The following FHIT variants were observed in gnomAD, a reference collection of about 807,000 sequenced individuals.
FHIT encodes the protein fragile histidine triad diadenosine triphosphatase, also known as bis(5'-adenosyl)-triphosphatase.
FHIT carries 19 observed loss-of-function variants against 17.9 expected under a neutral mutation model. The observed-to-expected ratio is 1.06, with a 90% confidence interval of 0.74 to 1.56. FHIT has a LOEUF of 1.56. Among genes scored for constraint, FHIT ranks in the 40% most tolerant of loss-of-function variants. The pLI, the probability that FHIT is intolerant of heterozygous loss-of-function variation, is 0.00. For synonymous variants in FHIT, 81 were observed against 69.7 expected (o/e 1.16, Z -0.81); for missense variants, 248 against 189.2 (o/e 1.31, Z -1.82).
chr3:59,924,752 C>G (rs890157952), intron 7 of FHIT, among the ~76,000 whole-genome samples: 1 of 152,212 alleles, frequency 6.6e-6, no homozygotes, highest in East Asian at 1.9e-4. Context: ...TTTGTGAAAG[C>G]TGATTTCTGT....
chr3:60,100,716 C>A (rs1026242379), intron 5 of FHIT, among the ~76,000 whole-genome samples: 1 of 152,124 alleles, frequency 6.6e-6, no homozygotes, highest in Non-Finnish European at 1.5e-5. Context: ...GAATTTATTT[C>A]TATTACATAT....
chr3:60,105,334 TCACA>T (rs1029996823), intron 5 of FHIT, among the ~76,000 whole-genome samples: 1 of 152,346 alleles, frequency 6.6e-6, no homozygotes, highest in African/African-American at 2.4e-5. Flanking sequence ...ATGCATGTAC[TCACA>T]CACAAAATCT....
intron 3 of FHIT, among the ~76,000 whole-genome samples, chr3:60,890,299 T>C (rs1480600660): frequency 1.3e-5 from 2 of 149,454 alleles, no homozygotes; most frequent in Admixed American, 6.7e-5. Context: ...ACTGAGGTCA[T>C]GTGCACAGCA....
intron 8 of FHIT, among the ~76,000 whole-genome samples, chr3:59,798,614 C>A (rs1392676659): frequency 6.6e-6 from 1 of 152,230 alleles, no homozygotes; most frequent in Non-Finnish European, 1.5e-5. Flanking sequence ...TGCTAATGTA[C>A]ACAAAGAAGT....
chr3:61,025,242 C>T (rs558147837), intron 3 of FHIT, among the ~76,000 whole-genome samples: 18 of 152,112 alleles, frequency 1.2e-4, no homozygotes, highest in African/African-American at 4.1e-4. Context: ...TAGGACAGAG[C>T]GTATTAAATT....
chr3:60,645,046 T>G (rs932097157), intron 4 of FHIT, among the ~76,000 whole-genome samples: 2 of 152,110 alleles, frequency 1.3e-5, no homozygotes, highest in African/African-American at 4.8e-5. Flanking sequence ...AACAGCTCAC[T>G]AGATCCCAGG....
At position 59,896,896 on chromosome 3, in the gene FHIT, A is replaced by G. The variant is rs559262952; in HGVS notation, c.348+25450T>C. Among the ~76,000 whole-genome samples, 21 of 152,274 alleles carry G rather than the reference A, an allele frequency of 1.4e-4. No individual in the cohort carries two copies. The East Asian group carries it at 3.9e-3, about 28-fold the overall frequency. ...TGTTGCTTTTTTTGGACCACGTGAT[A>G]TATCTGAATGCAACAAGGAAAGAAG... On this transcript the variant is annotated intron_variant, in intron 8 of 9. Transcript: ENST00000492590.
intron 5 of FHIT, among the ~76,000 whole-genome samples, chr3:60,444,584 C>T (rs1374475605): frequency 6.6e-6 from 1 of 152,068 alleles, no homozygotes; most frequent in African/African-American, 2.4e-5. Context: ...TCTCAGCAAA[C>T]TATCACAAGG....
At chr3:60,465,691 G>C (rs2032748568) in intron 5 of FHIT, among the ~76,000 whole-genome samples, 1 of 152,094 alleles carries the variant, frequency 6.6e-6, no homozygotes. Flanking sequence ...TTGAAAATGA[G>C]TTTGCTGTAG....
At chr3:59,940,145 T>C (rs1706442587) in intron 7 of FHIT, among the ~76,000 whole-genome samples, 1 of 152,154 alleles carries the variant, frequency 6.6e-6, no homozygotes, top group Non-Finnish European at 1.5e-5. Flanking sequence ...CTCAGAGGGT[T>C]GCTGTGAGGA....
At chr3:59,788,800 C>G (rs996424024) in intron 8 of FHIT, among the ~76,000 whole-genome samples, 9 of 149,480 alleles carry the variant, frequency 6.0e-5, no homozygotes, top group African/African-American at 9.8e-5. Context: ...GATGGTAGGC[C>G]AATTTACAGT....
intron 5 of FHIT, among the ~76,000 whole-genome samples, chr3:60,495,565 T>C (rs2034267270): frequency 6.6e-6 from 1 of 152,052 alleles, no homozygotes; most frequent in South Asian, 2.1e-4. Context: ...TGATTCTACA[T>C]ATGCATTAAA....
intron 8 of FHIT, among the ~76,000 whole-genome samples, chr3:59,876,218 A>G (rs578247171): frequency 2.6e-5 from 4 of 152,194 alleles, no homozygotes; most frequent in African/African-American, 9.6e-5. Context: ...TATATGCAGA[A>G]AAAACATATA....
chr3:60,867,432 G>A (rs1553754089), intron 3 of FHIT, among the ~76,000 whole-genome samples: 1 of 152,208 alleles, frequency 6.6e-6, no homozygotes, highest in Non-Finnish European at 1.5e-5. Flanking sequence ...GTACACACAA[G>A]TGTTAACAGA....
chr3:60,041,571 C>T (rs780904449), intron 5 of FHIT, among the ~76,000 whole-genome samples: 1 of 152,154 alleles, frequency 6.6e-6, no homozygotes, highest in Non-Finnish European at 1.5e-5. Context: ...AACATATGGT[C>T]TTTATTAATG....
intron 4 of FHIT, among the ~76,000 whole-genome samples, chr3:60,649,414 C>A (rs781851889): frequency 6.6e-6 from 1 of 151,970 alleles, no homozygotes; most frequent in Non-Finnish European, 1.5e-5. Context: ...AAAAACAAAA[C>A]AAAACAAAAA....
chr3:60,437,062 TC>T (rs2030335201), intron 5 of FHIT, among the ~76,000 whole-genome samples: 2 of 152,080 alleles, frequency 1.3e-5, no homozygotes, highest in South Asian at 4.1e-4. Flanking sequence ...TTCAATCTCT[TC>T]CCCCTGTTCA....
At chr3:60,188,277 C>T (rs1439931378) in intron 5 of FHIT, among the ~76,000 whole-genome samples, 1 of 142,022 alleles carries the variant, frequency 7.0e-6, no homozygotes, top group Admixed American at 7.3e-5. Context: ...CAAAATTAGA[C>T]ATTTTCAACT....
chr3:59,858,756 A>G (rs1178426889), intron 8 of FHIT, among the ~76,000 whole-genome samples: 1 of 152,092 alleles, frequency 6.6e-6, no homozygotes, highest in Non-Finnish European at 1.5e-5. Context: ...TATTGAACAA[A>G]TGAGTATATA....
Sources: allele counts gnomAD v4.1 joint callset (sites outside exome capture counted in the v4.1 genomes callset), GRCh38; gene constraint gnomAD v4.1.1; transcripts MANE v1.5; gene names NCBI Gene and HGNC (gene_info 2026-07-23, HGNC 2026-07-21).